PTPN13: variants seen among roughly 807,000 people sequenced by gnomAD.
The protein encoded by PTPN13 is protein tyrosine phosphatase non-receptor type 13, also known as tyrosine-protein phosphatase non-receptor type 13.
Under a neutral mutation model 284.0 loss-of-function variants are expected in PTPN13, and 191 were observed. That is an observed-to-expected ratio of 0.67 (90% confidence interval 0.60 to 0.76). The LOEUF is 0.76. Ranked by LOEUF, PTPN13 falls within the 30% of genes least tolerant of loss-of-function variation. The probability of loss-of-function intolerance (pLI) is 0.00; values close to 1 mark genes in which losing one functional copy is unlikely to be tolerated. For synonymous variants in PTPN13, 986 were observed against 1,022.3 expected, an observed-to-expected ratio of 0.96 and a Z score of 0.68; for missense variants, 2,797 against 2,939.9, an observed-to-expected ratio of 0.95 and a Z score of 1.12.
intron 2 of PTPN13, among the ~76,000 whole-genome samples, chr4:86,636,647 A>G (rs1449381958): frequency 2.6e-5 from 4 of 152,166 alleles, no homozygotes; most frequent in Admixed American, 6.5e-5. Flanking sequence ...AAGACACAAC[A>G]TACCAGAATC....
intron 2 of PTPN13, among the ~76,000 whole-genome samples, chr4:86,663,313 T>TG (rs1399359274): frequency 2.0e-5 from 3 of 152,052 alleles, no homozygotes; most frequent in Non-Finnish European, 4.4e-5. Flanking sequence ...ATTAAACCCA[T>TG]GGGGGGGTTT....
chr4:86,810,845 T>A lies in PTPN13; in HGVS notation c.7300-201T>A, dbSNP rs114172470. 9.5e-3 allele frequency among the ~76,000 whole-genome samples: 1,451 copies of A among 152,362 alleles called. 30 individuals carry two copies. Among genetic ancestry groups the A allele is most frequent in the African/African-American group, 0.034 (1,394 of 41,582 alleles). On this transcript the variant is annotated intron_variant, in intron 46 of 47. Transcript: ENST00000411767. ...AAATAGATTAACCTTCCCTAATTCCTAGAAAGATAAAAAATAAGAATACCA... is the reference window on the plus strand; with the variant it reads ...AAATAGATTAACCTTCCCTAATTCCAAGAAAGATAAAAAATAAGAATACCA...
chr4:86,701,822 T>C, intron 7 of PTPN13, 21 bp downstream of exon 7: 1 of 1,552,136 alleles, frequency 6.4e-7, no homozygotes, highest in Non-Finnish European at 8.7e-7. Context: ...CTGTGCATGT[T>C]TGAGAAAGAA....
chr4:86,650,440 G>C (rs528403483), intron 2 of PTPN13, among the ~76,000 whole-genome samples: 2 of 152,236 alleles, frequency 1.3e-5, no homozygotes, highest in East Asian at 3.9e-4. Flanking sequence ...GCCTCCCGAA[G>C]AGCTGGGACT....
At chr4:86,744,423 CT>C (rs1736502118) in intron 16 of PTPN13, among the ~76,000 whole-genome samples, 1 of 152,192 alleles carries the variant, frequency 6.6e-6, no homozygotes, top group African/African-American at 2.4e-5. Flanking sequence ...TCAAAGGAAT[CT>C]GTTTCCCTTG....
At chr4:86,716,204 C>T (rs955313413) in intron 7 of PTPN13, among the ~76,000 whole-genome samples, 5 of 152,148 alleles carry the variant, frequency 3.3e-5, no homozygotes, top group Admixed American at 2.6e-4. Flanking sequence ...ATTCTCACAA[C>T]CTTATGCGAT....
intron 20 of PTPN13, among the ~76,000 whole-genome samples, chr4:86,755,058 A>G (rs900963341): frequency 2.0e-5 from 3 of 152,114 alleles, no homozygotes; most frequent in African/African-American, 4.8e-5. Context: ...TTACTTGCCC[A>G]TGCCTCAAAT....
intron 28 of PTPN13, among the ~76,000 whole-genome samples, chr4:86,768,559 GTTTTA>G (rs1739590428): frequency 6.6e-6 from 1 of 152,020 alleles, no homozygotes; most frequent in South Asian, 2.1e-4. Flanking sequence ...TACAGTCATT[GTTTTA>G]TTTTACACAA....
chr4:86,762,711 G>T lies in PTPN13; in HGVS notation c.3554-16G>T. On this transcript the variant is annotated splice_polypyrimidine_tract_variant and intron_variant, in intron 23 of 47. Transcript: ENST00000411767. ...TCACTAACTTGTTACTCTCATTGATGGATTTTGACTTTTAGTGCCTTCTAC... is the reference window on the plus strand; with the variant it reads ...TCACTAACTTGTTACTCTCATTGATTGATTTTGACTTTTAGTGCCTTCTAC... The T allele has an allele frequency of 6.4e-7, 1 of 1,555,026 alleles. No homozygotes were observed. The highest frequency in any genetic ancestry group is 1.1e-5 in the South Asian group (1 of 88,412).
intron 1 of PTPN13, among the ~76,000 whole-genome samples, chr4:86,634,062 A>G (rs1310853698): frequency 6.6e-6 from 1 of 152,194 alleles, no homozygotes; most frequent in African/African-American, 2.4e-5. Flanking sequence ...GACTGGCCTC[A>G]TTTATAGTTG....
rs1739792344 is a variant in PTPN13 at position 86,769,975 on chromosome 4, TCTCAGCAGGTGAGC to T, written c.4698_4704+7del. 9.3e-6 allele frequency: 15 copies of T among 1,613,904 alleles called. No homozygotes were observed. Among genetic ancestry groups the T allele is most frequent in the Non-Finnish European group, 1.3e-5 (15 of 1,179,846 alleles). Reference sequence around the variant, plus strand: ...GAATGGAGCCTCTTTGAAAGGACTATCTCAGCAGGTGAGCCCCTAGCATGTGGAGTATAGCATTT... The same window carrying T: ...GAATGGAGCCTCTTTGAAAGGACTATCCCTAGCATGTGGAGTATAGCATTT... On this transcript the variant is annotated splice_donor_variant and splice_donor_5th_base_variant and coding_sequence_variant and intron_variant, in exon 29 of 48. Transcript: ENST00000411767. LOFTEE classifies it high-confidence loss of function.
At chr4:86,622,308 A>G (rs563867267) in intron 1 of PTPN13, among the ~76,000 whole-genome samples, 1 of 152,290 alleles carries the variant, frequency 6.6e-6, no homozygotes, top group Non-Finnish European at 1.5e-5. Flanking sequence ...AATTTAATAA[A>G]GGCTAATTCT....
intron 2 of PTPN13, among the ~76,000 whole-genome samples, chr4:86,654,923 TC>T (rs1466138247): frequency 3.9e-5 from 6 of 152,208 alleles, no homozygotes; most frequent in South Asian, 2.1e-4. Context: ...ATCTGGGTGC[TC>T]CTGTATTGGG....
intron 9 of PTPN13, among the ~76,000 whole-genome samples, chr4:86,719,017 G>A (rs1284985904): frequency 6.6e-6 from 1 of 152,152 alleles, no homozygotes; most frequent in Non-Finnish European, 1.5e-5. Context: ...GGGGGTACAT[G>A]TGAAGGTTTG....
Position 86,809,824 on chromosome 4 carries a change from A to T in PTPN13, c.7139A>T (p.Asp2380Val). 6.2e-7 allele frequency: 1 copy of T among 1,614,064 alleles called. No individual in the cohort carries two copies. The highest frequency in any genetic ancestry group is 8.5e-7 in the Non-Finnish European group (1 of 1,179,908). The change falls in exon 46 of 48, where the codon GAT becomes GTT. Residue 2380 changes from aspartate (D) to valine (V), a missense_variant. By Grantham distance (152) the Asp-to-Val change is radical. Transcript: ENST00000411767. ...HLNFTAWPDH[D>V]TPSQPDDLLT... ...AATTTCACTGCCTGGCCAGACCATG[A>T]TACACCTTCTCAACCAGATGATCTG... is the stretch of plus-strand genomic sequence containing the variant.
intron 2 of PTPN13, among the ~76,000 whole-genome samples, chr4:86,658,427 T>C (rs1431468676): frequency 6.6e-6 from 1 of 152,198 alleles, no homozygotes; most frequent in Non-Finnish European, 1.5e-5. Context: ...CCTGATCTTT[T>C]TGTTCTTATG....
At chr4:86,702,271 A>G (rs2149011877) in intron 7 of PTPN13, among the ~76,000 whole-genome samples, 1 of 152,344 alleles carries the variant, frequency 6.6e-6, no homozygotes, top group Middle Eastern at 3.4e-3. Context: ...CACCAGCTTC[A>G]AATTACAAAT....
intron 3 of PTPN13, among the ~76,000 whole-genome samples, chr4:86,678,156 G>A (rs1728501419): frequency 6.6e-6 from 1 of 152,116 alleles, no homozygotes; most frequent in East Asian, 1.9e-4. Flanking sequence ...AATATAAAAG[G>A]TAATGTGTTG....
intron 3 of PTPN13, among the ~76,000 whole-genome samples, chr4:86,683,275 A>G (rs986874471): frequency 6.6e-6 from 1 of 152,130 alleles, no homozygotes; most frequent in Admixed American, 6.6e-5. Flanking sequence ...CTGGAGATTC[A>G]GGAGAGCCAA....
Sources: gnomAD v4.1 joint callset for allele counts (sites outside exome capture counted in the v4.1 genomes callset) on GRCh38, gnomAD v4.1.1 for gene constraint, MANE v1.5 for transcripts, NCBI Gene and HGNC (gene_info 2026-07-23, HGNC 2026-07-21) for gene names.